JAZF1: variants seen among roughly 807,000 people sequenced by gnomAD.
JAZF1 encodes juxtaposed with another zinc finger protein 1.
Under a neutral mutation model 26.4 loss-of-function variants are expected in JAZF1, and 8 were observed. That is an observed-to-expected ratio of 0.30 (90% CI 0.18 to 0.55). The LOEUF is 0.55. Among genes scored for constraint, JAZF1 ranks in the 20% least tolerant of loss-of-function variants. The pLI is 0.94. For synonymous variants in JAZF1, 126 were observed against 122.3 expected (o/e 1.03, Z -0.20); for missense variants, 199 against 322.0 (o/e 0.62, Z 2.92).
At chr7:27,884,588 G>T (rs1646959031) in intron 3 of JAZF1, among the ~76,000 whole-genome samples, 1 of 152,178 alleles carries the variant, frequency 6.6e-6, no homozygotes, top group South Asian at 2.1e-4. Flanking sequence ...CTGCAGGTTG[G>T]TTTGCCTGTA....
chr7:27,842,088 T>C (rs899024023), intron 3 of JAZF1: 1 of 152,100 alleles, frequency 6.6e-6, no homozygotes, highest in Admixed American at 6.5e-5. Flanking sequence ...ATTAATAAGA[T>C]TGTTTGAAGA....
chr7:28,049,470 T>C (rs920689696), intron 1 of JAZF1, among the ~76,000 whole-genome samples: 1 of 152,064 alleles, frequency 6.6e-6, no homozygotes, highest in Non-Finnish European at 1.5e-5. Context: ...ACCAAGCAAT[T>C]CTCTAATCCT....
intron 1 of JAZF1, among the ~76,000 whole-genome samples, chr7:28,156,710 C>T (rs992840608): frequency 2.0e-5 from 3 of 152,162 alleles, no homozygotes; most frequent in African/African-American, 7.2e-5. Context: ...AGAATCTGCA[C>T]ATCTAATACA....
intron 1 of JAZF1, among the ~76,000 whole-genome samples, chr7:28,114,147 G>A (rs1784704010): frequency 1.3e-5 from 2 of 152,206 alleles, no homozygotes; most frequent in South Asian, 4.1e-4. Flanking sequence ...GGTAACCGAA[G>A]TAAGATCCCA....
chr7:27,889,762 C>T (rs1422916677), intron 3 of JAZF1, among the ~76,000 whole-genome samples: 1 of 151,958 alleles, frequency 6.6e-6, no homozygotes, highest in Non-Finnish European at 1.5e-5. Flanking sequence ...CAAAAACCCA[C>T]CTCTACTAAA....
intron 1 of JAZF1, among the ~76,000 whole-genome samples, chr7:28,047,929 G>A (rs372638348): frequency 1.4e-4 from 22 of 152,260 alleles, no homozygotes; most frequent in African/African-American, 4.8e-4. Flanking sequence ...AATAACAAGA[G>A]TTAAACCAGT....
chr7:27,953,740 C>A (rs57893266), intron 2 of JAZF1, among the ~76,000 whole-genome samples: 1 of 152,160 alleles, frequency 6.6e-6, no homozygotes, highest in African/African-American at 2.4e-5. Flanking sequence ...TATGTTTAAA[C>A]CCCTTGATGG....
chr7:27,868,420 C>A (rs1369690826), intron 3 of JAZF1, among the ~76,000 whole-genome samples: 1 of 152,238 alleles, frequency 6.6e-6, no homozygotes, highest in East Asian at 1.9e-4. Flanking sequence ...TCCCATCCCC[C>A]TCTCCAGATT....
At chr7:28,013,512 A>C (rs74704811) in intron 1 of JAZF1, among the ~76,000 whole-genome samples, 7,056 of 152,170 alleles carry the variant, frequency 0.046, 262 homozygotes, top group African/African-American at 0.097. Context: ...TTTAGTAGCT[A>C]TAGGGTGGGC....
intron 1 of JAZF1, among the ~76,000 whole-genome samples, chr7:28,173,008 T>G (rs1783495521): frequency 6.6e-6 from 1 of 152,200 alleles, no homozygotes. Context: ...ATTAAAGGAT[T>G]GCTTAAAATC....
intron 1 of JAZF1, among the ~76,000 whole-genome samples, chr7:28,033,625 A>T (rs980656313): frequency 6.6e-6 from 1 of 152,152 alleles, no homozygotes; most frequent in Non-Finnish European, 1.5e-5. Context: ...CTGTGTAAAT[A>T]CTATCCTTTG....
chr7:28,035,993 T>A (rs563587339), intron 1 of JAZF1, among the ~76,000 whole-genome samples: 5 of 152,344 alleles, frequency 3.3e-5, no homozygotes, highest in African/African-American at 1.2e-4. Flanking sequence ...TCTTTTTTTC[T>A]AACAATGTAA....
At chr7:27,883,265 A>G (rs1301348187) in intron 3 of JAZF1, among the ~76,000 whole-genome samples, 1 of 152,240 alleles carries the variant, frequency 6.6e-6, no homozygotes. Flanking sequence ...AAGAAAAAGC[A>G]GCTAGGACCT....
chr7:27,851,583 A>G (rs1408033212), intron 3 of JAZF1, among the ~76,000 whole-genome samples: 1 of 152,106 alleles, frequency 6.6e-6, no homozygotes, highest in Non-Finnish European at 1.5e-5. Context: ...ACCAGGATAG[A>G]ACCCTGTGAT....
chr7:28,049,997 C>G (rs1181463212), intron 1 of JAZF1, among the ~76,000 whole-genome samples: 3 of 152,048 alleles, frequency 2.0e-5, no homozygotes, highest in Non-Finnish European at 2.9e-5. Flanking sequence ...CTGGCAGGTG[C>G]GGCTGAAAGC....
chr7:28,069,486 C>A (rs1783936482), intron 1 of JAZF1, among the ~76,000 whole-genome samples: 1 of 152,158 alleles, frequency 6.6e-6, no homozygotes, highest in Non-Finnish European at 1.5e-5. Context: ...TAGCTCCCTG[C>A]CTGCTCCCTA....
intron 1 of JAZF1, among the ~76,000 whole-genome samples, chr7:28,142,708 G>A (rs1782975917): frequency 6.6e-6 from 1 of 152,270 alleles, no homozygotes. Flanking sequence ...AGGCCACCCA[G>A]GGCCCTGCTA....
At chr7:27,853,011 G>A (rs1026178981) in intron 3 of JAZF1, among the ~76,000 whole-genome samples, 11 of 152,142 alleles carry the variant, frequency 7.2e-5, no homozygotes, top group African/African-American at 2.2e-4. Flanking sequence ...ATAGGGCTAT[G>A]AGGCTTGCCA....
At chr7:28,096,036 C>T (rs867644893) in intron 1 of JAZF1, among the ~76,000 whole-genome samples, 27 of 152,154 alleles carry the variant, frequency 1.8e-4, no homozygotes, top group African/African-American at 5.6e-4. Context: ...CTCCAAATAT[C>T]CTGGGGGTTA....
Sources: gnomAD v4.1 joint callset for allele counts (sites outside exome capture counted in the v4.1 genomes callset) on GRCh38, gnomAD v4.1.1 for gene constraint, MANE v1.5 for transcripts, NCBI Gene and HGNC (gene_info 2026-07-23, HGNC 2026-07-21) for gene names.